Variants in DNAAF8 observed in about 807,000 individuals in gnomAD.
DNAAF8 encodes the protein dynein axonemal assembly factor 8, also known as dynein axonemal-associated protein 1.
Under a neutral mutation model 54.6 loss-of-function variants are expected in DNAAF8, and 61 were observed. That is an observed-to-expected ratio of 1.12 (90% CI 0.91 to 1.38). The LOEUF (loss-of-function observed/expected upper bound fraction) is 1.38. Ranked by LOEUF, DNAAF8 falls within the 40% of genes most tolerant of loss-of-function variation. DNAAF8 has a pLI of 0.00. For missense variants in DNAAF8, 837 were observed against 665.0 expected (o/e 1.26, Z -2.85); for synonymous variants, 320 against 270.1 (o/e 1.18, Z -1.81).
intron 2 of DNAAF8, among the ~76,000 whole-genome samples, chr16:4,737,031 C>T (rs917667598): frequency 3.9e-5 from 6 of 152,122 alleles, no homozygotes; most frequent in Admixed American, 1.3e-4. Context: ...TGCACAATTC[C>T]AGTGCATTGT....
chr16:4,745,100 C>A, intron 6 of DNAAF8, 89 bp downstream of exon 6: 1 of 1,468,736 alleles, frequency 6.8e-7, no homozygotes. Context: ...AAGGGCGGGG[C>A]ACTCCATGTG....
chr16:4,746,967 G>A lies in DNAAF8; in HGVS notation c.1222G>A (p.Glu408Lys), dbSNP rs2082025108. The A allele has an allele frequency of 3.9e-6, 6 of 1,554,956 alleles. No individual in the cohort carries two copies. In the East Asian group the frequency reaches 1.2e-4, roughly 31 times the overall value. The stretch of plus-strand genomic sequence containing the variant: ...CTCTGACAGTGAGGAGGAGGAGGAG[G>A]AAGAGATGGCAGCTCTGGGAGACGC... ...SSSDSEEEEE[E>K]EMAALGDAEG... is the part of the protein sequence containing the mutation. Residue 408 changes from glutamate to lysine, a missense_variant, in exon 8 of 10, where the codon GAA (glutamate) becomes AAA (lysine). Physicochemically the swap from Glu to Lys is moderately conservative, Grantham distance 56. Transcript: ENST00000299320.
chr16:4,736,405 C>G (rs1392939589), intron 1 of DNAAF8, 59 bp from the exon 2 acceptor site: 2 of 1,224,984 alleles, frequency 1.6e-6, no homozygotes, highest in Non-Finnish European at 2.1e-6. Flanking sequence ...TAGAGCAGCC[C>G]CTGCTCTCCT....
At chr16:4,738,496 G>A (rs995522425) in intron 3 of DNAAF8, among the ~76,000 whole-genome samples, 2 of 152,356 alleles carry the variant, frequency 1.3e-5, no homozygotes, top group East Asian at 1.9e-4. Flanking sequence ...TGGACTAAGC[G>A]TGCCAACGCA....
chr16:4,741,111 G>GT (rs1555482992), intron 4 of DNAAF8, among the ~76,000 whole-genome samples: 1 of 151,228 alleles, frequency 6.6e-6, no homozygotes, highest in Non-Finnish European at 1.5e-5. Flanking sequence ...GCGGGCGCCT[G>GT]TAGTCCCAGC....
intron 8 of DNAAF8, 129 bp downstream of exon 8, chr16:4,747,154 C>A: frequency 8.3e-7 from 1 of 1,200,366 alleles, no homozygotes; most frequent in Non-Finnish European, 1.2e-6. Context: ...GTGAGGGGGA[C>A]GGCACAGCTT....
chr16:4,742,449 G>C (rs1228798704), intron 4 of DNAAF8, among the ~76,000 whole-genome samples: 2 of 151,548 alleles, frequency 1.3e-5, no homozygotes, highest in South Asian at 4.2e-4. Flanking sequence ...TCAGCACTTT[G>C]GGAGGTGAAG....
In DNAAF8 at chr16:4,737,932, G is replaced by A; in HGVS notation, c.262G>A (p.Glu88Lys). Residue 88 changes from glutamate to lysine, a missense_variant, in exon 3 of 10, where the codon GAG becomes AAG. Transcript: ENST00000299320. ...KSRAWVAAAE[E>K]SLPEPVLVPA... ...CAGGGCCTGGGTCGCTGCAGCTGAAGAGTCCCTTCCCGAGGTCTGTGGGAC... is the reference window on the plus strand; with the variant it reads ...CAGGGCCTGGGTCGCTGCAGCTGAAAAGTCCCTTCCCGAGGTCTGTGGGAC... The A allele has an allele frequency of 4.3e-6, 7 of 1,614,230 alleles. No individual in the cohort carries two copies. The highest frequency in any genetic ancestry group is 1.3e-5 in the African/African-American group (1 of 75,064).
chr16:4,738,350 G>A (rs1388368237), intron 3 of DNAAF8, among the ~76,000 whole-genome samples: 1 of 152,184 alleles, frequency 6.6e-6, no homozygotes, highest in East Asian at 1.9e-4. Context: ...AGGAACTCTG[G>A]TTTACTAAAC....
intron 8 of DNAAF8, 60 bp from the exon 9 acceptor site, chr16:4,747,283 G>C: frequency 6.7e-7 from 1 of 1,497,226 alleles, no homozygotes; most frequent in Non-Finnish European, 9.0e-7. Context: ...GTTTCAGTAA[G>C]GAGGGCTGGG....
chr16:4,746,265 TG>T (rs2082016411), intron 6 of DNAAF8, 109 bp from the exon 7 acceptor site: 17 of 1,152,008 alleles, frequency 1.5e-5, no homozygotes, highest in South Asian at 4.4e-5. Flanking sequence ...CTGTAGAGAG[TG>T]GGCACTCACT....
At chr16:4,742,486 T>A (rs976176367) in intron 4 of DNAAF8, among the ~76,000 whole-genome samples, 1 of 148,784 alleles carries the variant, frequency 6.7e-6, no homozygotes, top group Non-Finnish European at 1.5e-5. Context: ...GTGGATCACC[T>A]GAGGTCAGGT....
Position 4,747,471 on chromosome 16 carries a change from G to C in DNAAF8, c.1409G>C (p.Gly470Ala), listed in dbSNP as rs554554378. ...GCTCAGGCCCCTGAAGACACAGCTG[G>C]ATCACGAACTGGGAGGAAGCAACAC... ...GRAQAPEDTA[G>A]SRTGRKQHMK... is the part of the protein sequence containing the mutation. The change falls in exon 9 of 10, where the codon GGA (glycine) becomes GCA (alanine). Residue 470 changes from glycine to alanine, a missense_variant. Transcript: ENST00000299320. The C allele has an allele frequency of 6.2e-7, 1 of 1,613,158 alleles. No homozygotes were observed. Among genetic ancestry groups the C allele is most frequent in the East Asian group, 2.2e-5 (1 of 44,894 alleles).
chr16:4,736,361 A>AGGCCTGCCAG (rs2081901714), intron 1 of DNAAF8, 103 bp from the exon 2 acceptor site: 1 of 806,032 alleles, frequency 1.2e-6, no homozygotes, highest in East Asian at 3.3e-5. Flanking sequence ...GCAGGTGGTG[A>AGGCCTGCCAG]GGCCTGCCAG....
In DNAAF8 at chr16:4,740,148, G is replaced by C. The variant is rs2081943435; in HGVS notation, c.277-5G>C. ...GCTAACTGAACATACCTGTTTTCTT[G>C]ACAGCCAGTTCTGGTGCCTGCAGAA... On this transcript the variant is annotated splice_region_variant and splice_polypyrimidine_tract_variant and intron_variant, in intron 3 of 9. Coordinates refer to ENST00000299320, the MANE Select transcript of DNAAF8 (RefSeq NM_139170.3). 8 of 1,586,504 alleles carry C rather than the reference G, an allele frequency of 5.0e-6. No homozygotes were observed. In the Middle Eastern group the frequency reaches 1.3e-3, roughly 267 times the overall value.
intron 4 of DNAAF8, among the ~76,000 whole-genome samples, chr16:4,741,911 C>G (rs937683553): frequency 6.6e-6 from 1 of 152,196 alleles, no homozygotes; most frequent in Non-Finnish European, 1.5e-5. Context: ...ATCACACCGT[C>G]TCGGTTTTAC....
intron 7 of DNAAF8, 38 bp from the exon 8 acceptor site, chr16:4,746,889 G>C (rs939860060): frequency 6.7e-7 from 1 of 1,499,998 alleles, no homozygotes; most frequent in East Asian, 2.6e-5. Flanking sequence ...ACACCAGGTG[G>C]AGTGGGCACA....
chr16:4,739,718 G>T (rs1039688768), intron 3 of DNAAF8, among the ~76,000 whole-genome samples: 1 of 151,128 alleles, frequency 6.6e-6, no homozygotes, highest in Admixed American at 6.6e-5. Flanking sequence ...GCTCATTTTT[G>T]TATTTTTAGT....
intron 1 of DNAAF8, chr16:4,735,396 G>A (rs565372626): frequency 6.6e-6 from 1 of 152,188 alleles, no homozygotes; most frequent in Admixed American, 6.5e-5. Context: ...CAGAAGTACA[G>A]AGGAAGCAAG....
Sources: gnomAD v4.1 joint callset for allele counts (sites outside exome capture counted in the v4.1 genomes callset) on GRCh38, gnomAD v4.1.1 for gene constraint, MANE v1.5 for transcripts, NCBI Gene and HGNC (gene_info 2026-07-23, HGNC 2026-07-21) for gene names.